GLCCI1: variants seen among roughly 807,000 people sequenced by gnomAD.
The protein encoded by GLCCI1 is glucocorticoid-induced transcript 1 protein.
In GLCCI1, 24 loss-of-function variants were observed where a neutral mutation model predicts 52.2. The ratio of observed to expected loss-of-function variants is 0.46; its 90% CI spans 0.33 to 0.65. The LOEUF (loss-of-function observed/expected upper bound fraction) is 0.65, where lower values mean the gene tolerates loss of function less well. GLCCI1 is among the 30% of genes least tolerant of loss of function. GLCCI1 has a pLI of 0.02. For synonymous variants in GLCCI1, 310 were observed against 276.5 expected (o/e 1.12, Z -1.20); for missense variants, 704 against 701.5 (o/e 1.00, Z -0.04).
At position 8,087,486 on chromosome 7, in the gene GLCCI1, T is replaced by C. The variant is rs183417001; in HGVS notation, c.*948T>C. 43 of 152,704 alleles carry C rather than the reference T, an allele frequency of 2.8e-4. No individual in the cohort carries two copies. Among genetic ancestry groups the C allele is most frequent in the African/African-American group, 9.4e-4 (39 of 41,560 alleles). 9.5% of individuals were successfully genotyped at this position (152,704 alleles called of 1,614,324 possible). A position where few individuals can be genotyped will look rare whatever the true frequency, so the allele number is the denominator to read the frequency against. On this transcript the variant is annotated 3_prime_UTR_variant, in exon 8 of 8. Transcript: ENST00000223145. ...AATTTAAAGACAAGAATGTCTAGAG[T>C]TAATTTCAAAATAAGTGAAGTGTTT...
chr7:8,007,869 A>G (rs1048258087), intron 2 of GLCCI1, among the ~76,000 whole-genome samples: 1 of 152,216 alleles, frequency 6.6e-6, no homozygotes, highest in Non-Finnish European at 1.5e-5. Flanking sequence ...TGTTGTGAAA[A>G]GATTGTAGAC....
intron 5 of GLCCI1, among the ~76,000 whole-genome samples, chr7:8,069,336 C>T (rs1021258805): frequency 5.3e-5 from 8 of 152,088 alleles, no homozygotes; most frequent in Non-Finnish European, 7.4e-5. Context: ...TTCTTAGGGC[C>T]GTGGCAGCTT....
At position 8,086,165 on chromosome 7, in the gene GLCCI1, TA is replaced by T. The variant is rs1450972625; in HGVS notation, c.1299-25del. The T allele has an allele frequency of 6.5e-7, 1 of 1,547,100 alleles. No homozygotes were observed. The highest frequency in any genetic ancestry group is 2.0e-5 in the Admixed American group (1 of 50,418). On this transcript the variant is annotated intron_variant, in intron 7 of 7. Transcript: ENST00000223145. The surrounding 1 kb of genome is among the most constrained non-coding windows in gnomAD (Gnocchi z 4.4). The stretch of plus-strand genomic sequence containing the variant: ...TTAACTTTTTCTGTGTTCATGATTA[TA>T]AATCTAATTTTGTTTTATGGTTTTA...
intron 3 of GLCCI1, among the ~76,000 whole-genome samples, chr7:8,048,399 G>A (rs1246019454): frequency 6.6e-6 from 1 of 151,948 alleles, no homozygotes; most frequent in Admixed American, 6.6e-5. Context: ...TGGCTCCTGA[G>A]AAACTCTCAC....
intron 5 of GLCCI1, among the ~76,000 whole-genome samples, chr7:8,065,487 C>G (rs7800533): frequency 0.15 from 22,108 of 152,064 alleles, 1,735 homozygotes; most frequent in East Asian, 0.26. Flanking sequence ...TTACAGTTTT[C>G]AAGGGAATGC....
At chr7:8,056,507 C>G (rs528056374) in intron 4 of GLCCI1, among the ~76,000 whole-genome samples, 1 of 152,158 alleles carries the variant, frequency 6.6e-6, no homozygotes, top group Non-Finnish European at 1.5e-5. Flanking sequence ...TGAGGATTAA[C>G]ATTTTTATTT....
At chr7:7,996,337 A>T (rs563605331) in intron 1 of GLCCI1, among the ~76,000 whole-genome samples, 2 of 152,188 alleles carry the variant, frequency 1.3e-5, no homozygotes, top group East Asian at 3.8e-4. Context: ...CTACTTTGCT[A>T]AAGTTCGTTA....
At chr7:8,017,764 C>T (rs980419891) in intron 2 of GLCCI1, among the ~76,000 whole-genome samples, 6 of 152,086 alleles carry the variant, frequency 3.9e-5, no homozygotes, top group Admixed American at 6.5e-5. Context: ...GAGCTGAATT[C>T]TGCCTTTTTC....
At position 7,969,311 on chromosome 7, in the gene GLCCI1, T is replaced by G; in HGVS notation, c.-40T>G. 7.8e-7 allele frequency: 1 copy of G among 1,277,570 alleles called. No homozygotes were observed. The highest frequency in any genetic ancestry group is 1.0e-6 in the Non-Finnish European group (1 of 999,232). The allele number at this position is 1,277,570 out of a possible 1,614,324, so 79.1% of individuals were successfully genotyped here. On this transcript the variant is annotated 5_prime_UTR_variant, in exon 1 of 8. Coordinates refer to ENST00000223145, the MANE Select transcript of GLCCI1 (RefSeq NM_138426.4). The surrounding 1 kb of genome is among the most constrained non-coding windows in gnomAD (Gnocchi z 4.9). The stretch of plus-strand genomic sequence containing the variant: ...GCTCGCGCGCCTCCCGCCCCGCGCC[T>G]CCGTGTCGGCCGGCGGCGTCCAGGG...
chr7:8,021,601 C>A (rs1478300575), intron 2 of GLCCI1, among the ~76,000 whole-genome samples: 1 of 152,056 alleles, frequency 6.6e-6, no homozygotes. Context: ...CGGGGTTTCA[C>A]CATGTTGGTC....
chr7:8,017,598 T>C (rs953287970), intron 2 of GLCCI1, among the ~76,000 whole-genome samples: 22 of 152,180 alleles, frequency 1.4e-4, no homozygotes, highest in African/African-American at 5.1e-4. Context: ...GAAACTGGTC[T>C]AACATAATGA....
chr7:8,049,632 C>T (rs536403036), intron 3 of GLCCI1, among the ~76,000 whole-genome samples: 33 of 152,158 alleles, frequency 2.2e-4, no homozygotes, highest in African/African-American at 7.9e-4. Context: ...CATTTAATCG[C>T]TTCATTAAAT....
At chr7:7,996,651 T>C (rs183322836) in intron 1 of GLCCI1, among the ~76,000 whole-genome samples, 16 of 152,344 alleles carry the variant, frequency 1.1e-4, no homozygotes, top group Admixed American at 2.6e-4. Context: ...CATGCCCAAA[T>C]AGCTGCCTGA....
chr7:8,055,714 C>A (rs1760415343), intron 4 of GLCCI1, 165 bp downstream of exon 4: 5 of 504,624 alleles, frequency 9.9e-6, no homozygotes, highest in Non-Finnish European at 1.4e-5. Context: ...GGGCGGCCGG[C>A]CTTGGTGGCT....
chr7:8,017,946 T>C (rs1466840331), intron 2 of GLCCI1, among the ~76,000 whole-genome samples: 2 of 152,192 alleles, frequency 1.3e-5, no homozygotes, highest in Non-Finnish European at 2.9e-5. Context: ...AGTTAAAAAT[T>C]GTTTTATTAG....
At chr7:8,023,603 T>TTTTTTTTTTTTTTTTTTTTTTTTTTTG (rs1781546102) in intron 3 of GLCCI1, among the ~76,000 whole-genome samples, 1 of 121,718 alleles carries the variant, frequency 8.2e-6, no homozygotes, top group Non-Finnish European at 1.7e-5. Flanking sequence ...TTTTTTTTTT[T>TTTTTTTTTTTTTTTTTTTTTTTTTTTG]TTTTTTTTTT....
In GLCCI1 at chr7:8,035,740, G is replaced by A. The variant is rs533089031; in HGVS notation, c.696+13171G>A. Reference sequence around the variant, plus strand: ...GGATATAGACAGTGTTGTCTGTCCCGTCAGAGTGTCCCAAGTGCCTAACAG... The same window carrying A: ...GGATATAGACAGTGTTGTCTGTCCCATCAGAGTGTCCCAAGTGCCTAACAG... On this transcript the variant is annotated intron_variant, in intron 3 of 7. Transcript: ENST00000223145. Among the ~76,000 whole-genome samples, 50 of 152,276 alleles carry A rather than the reference G, an allele frequency of 3.3e-4. 1 individual carries two copies. Among genetic ancestry groups the A allele is most frequent in the Admixed American group, 2.8e-3 (43 of 15,298 alleles).
At chr7:8,074,544 G>C (rs774703386) in intron 6 of GLCCI1, among the ~76,000 whole-genome samples, 6 of 152,050 alleles carry the variant, frequency 3.9e-5, no homozygotes, top group Non-Finnish European at 7.4e-5. Context: ...AGTTAGCCAG[G>C]TATGGTGGCA....
At chr7:8,019,957 T>C (rs1042651057) in intron 2 of GLCCI1, among the ~76,000 whole-genome samples, 1 of 152,218 alleles carries the variant, frequency 6.6e-6, no homozygotes, top group East Asian at 1.9e-4. Context: ...TTCTAAGCAC[T>C]GCACATTTAG....
Sources: gnomAD v4.1 joint callset for allele counts (sites outside exome capture counted in the v4.1 genomes callset) on GRCh38, gnomAD v4.1.1 for gene constraint, Gnocchi (gnomAD v3.1) non-coding constraint, MANE v1.5 for transcripts, NCBI Gene and HGNC (gene_info 2026-07-23, HGNC 2026-07-21) for gene names.